DENND2A: variants seen among roughly 807,000 people sequenced by gnomAD.
DENND2A encodes the protein DENN domain-containing protein 2A.
Under a neutral mutation model 105.3 loss-of-function variants are expected in DENND2A, and 53 were observed. The observed-to-expected ratio is 0.50, with a 90% confidence interval of 0.40 to 0.63. DENND2A has a LOEUF of 0.63. Among genes scored for constraint, DENND2A ranks in the 30% least tolerant of loss-of-function variants. The pLI is 0.00. For missense variants in DENND2A, 1,138 were observed against 1,279.6 expected (o/e 0.89, Z 1.69); for synonymous variants, 522 against 508.4 (o/e 1.03, Z -0.36).
chr7:140,580,398 C>T (rs1205229617), intron 5 of DENND2A, among the ~76,000 whole-genome samples: 1 of 152,174 alleles, frequency 6.6e-6, no homozygotes, highest in Non-Finnish European at 1.5e-5. Context: ...TAGCTCACTG[C>T]AGCCTTGGAC....
chr7:140,625,404 G>A (rs1362835604), intron 1 of DENND2A, among the ~76,000 whole-genome samples: 3 of 151,802 alleles, frequency 2.0e-5, no homozygotes, highest in Non-Finnish European at 4.4e-5. Flanking sequence ...AACAGTCTGG[G>A]TGCTGTGGCT....
chr7:140,626,801 G>A (rs1467855332), intron 1 of DENND2A, among the ~76,000 whole-genome samples: 3 of 152,216 alleles, frequency 2.0e-5, no homozygotes, highest in Non-Finnish European at 2.9e-5. Flanking sequence ...CCCCTTGCTT[G>A]GGGCCAGCAC....
intron 13 of DENND2A, 40 bp from the exon 14 acceptor site, chr7:140,544,806 C>T (rs1388579835): frequency 1.9e-5 from 29 of 1,552,022 alleles, no homozygotes; most frequent in Non-Finnish European, 2.2e-5. Flanking sequence ...AGGGGCCCAG[C>T]TACGCAGCCA....
chr7:140,580,356 G>C (rs1798491391), intron 5 of DENND2A, among the ~76,000 whole-genome samples: 1 of 137,154 alleles, frequency 7.3e-6, no homozygotes, highest in African/African-American at 2.7e-5. Context: ...TTTGGAGACA[G>C]GCTCTCACTC....
chr7:140,542,096 A>G (rs1295416920), intron 14 of DENND2A, among the ~76,000 whole-genome samples: 2 of 151,616 alleles, frequency 1.3e-5, no homozygotes, highest in Non-Finnish European at 2.9e-5. Flanking sequence ...TGGACTTCTC[A>G]GGTGGCCTCA....
intron 1 of DENND2A, among the ~76,000 whole-genome samples, chr7:140,626,360 C>T (rs1406731623): frequency 6.6e-6 from 1 of 152,194 alleles, no homozygotes; most frequent in Non-Finnish European, 1.5e-5. Flanking sequence ...CCTCTGAAGG[C>T]TTTCCTGCTG....
intron 1 of DENND2A, among the ~76,000 whole-genome samples, chr7:140,608,387 T>C (rs1221488184): frequency 1.3e-5 from 2 of 152,120 alleles, no homozygotes; most frequent in African/African-American, 4.8e-5. Context: ...GATTAGCAGT[T>C]GTTAACTGGC....
chr7:140,613,680 A>C (rs1411824269), intron 1 of DENND2A, among the ~76,000 whole-genome samples: 16 of 133,058 alleles, frequency 1.2e-4, no homozygotes, highest in African/African-American at 4.5e-4. Flanking sequence ...TAAAAAAAAA[A>C]AACAAACAAA....
chr7:140,566,166 G>A lies in DENND2A; in HGVS notation c.1779+920C>T, dbSNP rs141712338. Among the ~76,000 whole-genome samples the A allele has an allele frequency of 2.4e-3, 360 of 152,084 alleles. 1 individual carries two copies. Among genetic ancestry groups the A allele is most frequent in the African/African-American group, 8.5e-3 (352 of 41,466 alleles). On this transcript the variant is annotated intron_variant, in intron 9 of 19. Coordinates refer to ENST00000496613, the MANE Select transcript of DENND2A (RefSeq NM_015689.5). ...ACAGCCTCAGCCTCCTGAGTAGCTG[G>A]GATTATAGGCGCCTGCCACCACGCC...
Position 140,567,073 on chromosome 7 carries a change from G to A in DENND2A, c.1779+13C>T. ...AACCCTGGCAGGCCACAGGGACCTG[G>A]CCACCCTGTTACCTTCAGAGGGAAC... On this transcript the variant is annotated intron_variant, in intron 9 of 19. Transcript: ENST00000496613. 2 of 1,564,996 alleles carry A rather than the reference G, an allele frequency of 1.3e-6. No homozygotes were observed. The highest frequency in any genetic ancestry group is 1.7e-6 in the Non-Finnish European group (2 of 1,152,846).
intron 17 of DENND2A, 100 bp from the exon 18 acceptor site, chr7:140,522,200 G>C (rs777495879): frequency 1.4e-5 from 21 of 1,457,338 alleles, no homozygotes; most frequent in Non-Finnish European, 1.9e-5. Flanking sequence ...GTAACTGCTA[G>C]TTCCCTTGAT....
intron 19 of DENND2A, among the ~76,000 whole-genome samples, chr7:140,519,334 G>A (rs763338583): frequency 3.3e-5 from 5 of 152,178 alleles, no homozygotes; most frequent in Non-Finnish European, 5.9e-5. Context: ...TCTGGTTCCC[G>A]CCATGCTCCC....
chr7:140,634,283 C>T (rs984212734), intron 1 of DENND2A, among the ~76,000 whole-genome samples: 1 of 152,124 alleles, frequency 6.6e-6, no homozygotes, highest in Non-Finnish European at 1.5e-5. Flanking sequence ...CAGGCGTGAG[C>T]CACCGCGCCC....
intron 7 of DENND2A, 103 bp downstream of exon 7, chr7:140,569,542 G>A: frequency 6.1e-6 from 5 of 816,486 alleles, no homozygotes; most frequent in Non-Finnish European, 1.1e-5. Flanking sequence ...GCATCAGCTT[G>A]TTCTCCTCCT....
chr7:140,518,773 C>T (rs756218016), intron 19 of DENND2A, 35 bp from the exon 20 acceptor site: 1 of 1,608,708 alleles, frequency 6.2e-7, no homozygotes, highest in Non-Finnish European at 8.5e-7. Context: ...TTTCACAAGG[C>T]AGACAAAGGA....
In DENND2A at chr7:140,518,666, T is replaced by C. The variant is rs1459055500; in HGVS notation, c.*41A>G. ...GCCACCAGGAACTGTTTTTAAAGCATAGGGCTGCACTAGGAGGAAGTTTTC... is the reference window on the plus strand; with the variant it reads ...GCCACCAGGAACTGTTTTTAAAGCACAGGGCTGCACTAGGAGGAAGTTTTC... On this transcript the variant is annotated 3_prime_UTR_variant, in exon 20 of 20. Transcript: ENST00000496613. The C allele has an allele frequency of 5.6e-6, 9 of 1,603,878 alleles. No homozygotes were observed. Among genetic ancestry groups the C allele is most frequent in the Admixed American group, 3.3e-5 (2 of 59,910 alleles).
Position 140,601,427 on chromosome 7 carries a change from C to T in DENND2A, c.971G>A (p.Arg324Lys). The change falls in exon 3 of 20, where the codon AGA (arginine) becomes AAA (lysine). Residue 324 changes from arginine to lysine, a missense_variant. By Grantham distance (26) the Arg-to-Lys change is conservative. Coordinates refer to ENST00000496613, the MANE Select transcript of DENND2A (RefSeq NM_015689.5). The part of the protein sequence containing the change: ...SSVNRRLWTG[R>K]QKSSADHRKS... Reference sequence around the variant, plus strand: ...CCTGTGGTCTGCACTGGATTTCTGTCTCCCGGTCCACAGTCTTCTGTTCAC... The same window carrying T: ...CCTGTGGTCTGCACTGGATTTCTGTTTCCCGGTCCACAGTCTTCTGTTCAC... 1.9e-6 allele frequency: 3 copies of T among 1,605,324 alleles called. No individual in the cohort carries two copies. The highest frequency in any genetic ancestry group is 2.7e-5 in the African/African-American group (2 of 74,816).
intron 3 of DENND2A, among the ~76,000 whole-genome samples, chr7:140,598,917 G>T (rs1799381086): frequency 6.6e-6 from 1 of 152,054 alleles, no homozygotes. Flanking sequence ...TACTAAAAAG[G>T]AGAGAGACAA....
chr7:140,557,509 G>GTATATATATATATATATATATATA (rs1264932411), intron 11 of DENND2A, among the ~76,000 whole-genome samples: 2 of 16,778 alleles, frequency 1.2e-4, no homozygotes, highest in East Asian at 5.9e-3. Flanking sequence ...TTATTTTTTA[G>GTATATATATATATATATATATATA]TATATATATA....
Sources: gnomAD v4.1 joint callset for allele counts (sites outside exome capture counted in the v4.1 genomes callset) on GRCh38, gnomAD v4.1.1 for gene constraint, MANE v1.5 for transcripts, NCBI Gene and HGNC (gene_info 2026-07-23, HGNC 2026-07-21) for gene names.